Variants in ANKRD11 observed in about 807,000 individuals in gnomAD.
ANKRD11 encodes the protein ankyrin repeat domain-containing protein 11.
In ANKRD11, 17 loss-of-function variants were observed where a neutral mutation model predicts 195.7. The ratio of observed to expected loss-of-function variants is 0.09; its 90% CI spans 0.06 to 0.13. ANKRD11 has a LOEUF of 0.13. Among genes scored for constraint, ANKRD11 ranks in the 10% least tolerant of loss-of-function variants. The pLI, the probability that ANKRD11 is intolerant of heterozygous loss-of-function variation, is 1.00. For synonymous variants in ANKRD11, 1,953 were observed against 1,528.1 expected (o/e 1.28, Z -6.49); for missense variants, 3,735 against 3,566.1 (o/e 1.05, Z -1.21).
At chr16:89,478,655 C>A (rs2057340480) in intron 1 of ANKRD11, among the ~76,000 whole-genome samples, 1 of 152,236 alleles carries the variant, frequency 6.6e-6, no homozygotes, top group South Asian at 2.1e-4. Flanking sequence ...TCCTCTCCTC[C>A]AGCAGCCGGC....
chr16:89,474,498 C>G (rs2057192043), intron 1 of ANKRD11, among the ~76,000 whole-genome samples: 1 of 152,024 alleles, frequency 6.6e-6, no homozygotes, highest in African/African-American at 2.4e-5. Flanking sequence ...GAAATATACC[C>G]CCACACATCA....
chr16:89,274,621 G>C (rs979120393), intron 11 of ANKRD11, 193 bp downstream of exon 11: 41 of 814,158 alleles, frequency 5.0e-5, no homozygotes, highest in Middle Eastern at 3.6e-4. Context: ...GCTGTCTGCT[G>C]TCTGCTGCAG....
At chr16:89,462,172 C>T (rs1484135369) in intron 1 of ANKRD11, among the ~76,000 whole-genome samples, 1 of 152,116 alleles carries the variant, frequency 6.6e-6, no homozygotes, top group East Asian at 1.9e-4. Flanking sequence ...CTCACTGCAA[C>T]CCCCCTGCCT....
chr16:89,269,668 A>T (rs987856233), intron 12 of ANKRD11, among the ~76,000 whole-genome samples: 2 of 151,962 alleles, frequency 1.3e-5, no homozygotes, highest in South Asian at 4.2e-4. Context: ...CAGTGGTGCA[A>T]TCTTGGCTTA....
chr16:89,440,890 G>C (rs886984119), intron 1 of ANKRD11, among the ~76,000 whole-genome samples: 2 of 152,170 alleles, frequency 1.3e-5, no homozygotes, highest in Non-Finnish European at 2.9e-5. Context: ...GGTGTGGCTG[G>C]TGTGTGTCAC....
In ANKRD11 at chr16:89,279,471, C is replaced by A. The variant is rs773110185; in HGVS notation, c.7071G>T (p.Lys2357Asn). ...QSKQGPPPSEKECAPTPAPVT... is the reference protein window; with the variant it reads ...QSKQGPPPSENECAPTPAPVT... ...CCGGGGCAGGGGTGGGGGCGCACTCCTTCTCGGAGGGGGGCGGGCCCTGCT... is the reference window on the plus strand; with the variant it reads ...CCGGGGCAGGGGTGGGGGCGCACTCATTCTCGGAGGGGGGCGGGCCCTGCT... Residue 2357 changes from lysine to asparagine, a missense_variant, in exon 9 of 13, where the codon AAG becomes AAT. By Grantham distance (94) the Lys-to-Asn change is moderately conservative (BLOSUM62 0). Coordinates refer to ENST00000301030, the MANE Select transcript of ANKRD11 (RefSeq NM_013275.6). This position sits in a 1 kb window ranked among gnomAD's most constrained non-coding sequence, Gnocchi z 5.6. 7.8e-6 allele frequency: 11 copies of A among 1,405,386 alleles called. No homozygotes were observed. Among genetic ancestry groups the A allele is most frequent in the East Asian group, 2.5e-5 (1 of 39,972 alleles). The allele number at this position is 1,405,386 out of a possible 1,614,324, so 87.1% of individuals were successfully genotyped here.
chr16:89,459,061 A>G (rs995159704), intron 1 of ANKRD11: 1 of 178,624 alleles, frequency 5.6e-6, no homozygotes, highest in Non-Finnish European at 1.2e-5. Context: ...TGAAATAACC[A>G]TACATGCATT....
At chr16:89,421,987 C>T (rs1319243233) in intron 1 of ANKRD11, among the ~76,000 whole-genome samples, 2 of 152,052 alleles carry the variant, frequency 1.3e-5, no homozygotes, top group African/African-American at 4.8e-5. Flanking sequence ...GTTAGGAAAC[C>T]CAGGAGGTAC....
intron 2 of ANKRD11, among the ~76,000 whole-genome samples, chr16:89,362,001 G>A (rs1404412835): frequency 1.3e-5 from 2 of 152,186 alleles, no homozygotes; most frequent in African/African-American, 4.8e-5. Context: ...CCAGGCAGGA[G>A]GACCCTGAAT....
chr16:89,435,469 G>A (rs574288037), intron 1 of ANKRD11, among the ~76,000 whole-genome samples: 22 of 152,204 alleles, frequency 1.4e-4, no homozygotes, highest in South Asian at 6.2e-4. Context: ...CTACCTTTAT[G>A]AGCTGTAACC....
At chr16:89,443,763 G>T (rs964419832) in intron 1 of ANKRD11, among the ~76,000 whole-genome samples, 1 of 152,222 alleles carries the variant, frequency 6.6e-6, no homozygotes, top group Non-Finnish European at 1.5e-5. Context: ...AATTGAATAG[G>T]GGTGAACAGT....
chr16:89,286,610 G>T (rs1276625769), intron 7 of ANKRD11: 4 of 1,155,836 alleles, frequency 3.5e-6, no homozygotes, highest in Non-Finnish European at 4.4e-6. Flanking sequence ...TTAGGGAGAA[G>T]AGTGTTATGG....
intron 2 of ANKRD11, among the ~76,000 whole-genome samples, chr16:89,349,904 ACACACACAT>A (rs1186146764): frequency 1.1e-3 from 147 of 134,404 alleles, no homozygotes; most frequent in African/African-American, 4.3e-3. Flanking sequence ...ACACACACAC[ACACACACAT>A]ATTCAAACAA....
At position 89,279,952 on chromosome 16, in the gene ANKRD11, G is replaced by A. The variant is rs767358927; in HGVS notation, c.6590C>T (p.Thr2197Ile). 2.5e-6 allele frequency: 4 copies of A among 1,610,332 alleles called. No homozygotes were observed. The highest frequency in any genetic ancestry group is 2.2e-5 in the South Asian group (2 of 91,058). Residue 2197 changes from threonine (T) to isoleucine (I), a missense_variant, in exon 9 of 13, where the codon ACC (threonine) becomes ATC (isoleucine). Physicochemically the swap from Thr to Ile is moderately conservative, Grantham distance 89. Transcript: ENST00000301030. The surrounding 1 kb of genome is among the most constrained non-coding windows in gnomAD (Gnocchi z 5.6). ...AGGCTCGAGCTCTGCAGGGAGCCGG[G>A]TGGAGGCCTGGTCAGGAGGCAGTGC... ...PPALPPDQAS[T>I]RLPAELEPEP...
intron 4 of ANKRD11, among the ~76,000 whole-genome samples, chr16:89,292,373 GTC>G (rs1255020693): frequency 6.6e-6 from 1 of 152,170 alleles, no homozygotes; most frequent in Non-Finnish European, 1.5e-5. Flanking sequence ...GTCTTAACTA[GTC>G]TCTCAGCTCA....
At chr16:89,484,805 G>T (rs936668204) in intron 1 of ANKRD11, among the ~76,000 whole-genome samples, 1 of 152,132 alleles carries the variant, frequency 6.6e-6, no homozygotes, top group African/African-American at 2.4e-5. Flanking sequence ...AAAATGGTTT[G>T]TTGAGAAAAA....
chr16:89,337,059 A>C (rs1019778212), intron 2 of ANKRD11, among the ~76,000 whole-genome samples: 8 of 147,744 alleles, frequency 5.4e-5, no homozygotes, highest in Non-Finnish European at 1.0e-4. Context: ...GGTGGTGCAC[A>C]CCTGCAGTCC....
intron 2 of ANKRD11, among the ~76,000 whole-genome samples, chr16:89,326,368 C>T (rs958924591): frequency 3.3e-5 from 5 of 151,866 alleles, no homozygotes; most frequent in East Asian, 1.9e-4. Context: ...CAGAAGGGGA[C>T]GCAGCCACCG....
At chr16:89,480,223 T>C (rs2152370841) in intron 1 of ANKRD11, among the ~76,000 whole-genome samples, 1 of 152,194 alleles carries the variant, frequency 6.6e-6, no homozygotes, top group Non-Finnish European at 1.5e-5. Flanking sequence ...ACGCCTGTAA[T>C]CCCAGCACTT....
Sources: gnomAD v4.1 joint callset for allele counts (sites outside exome capture counted in the v4.1 genomes callset) on GRCh38, gnomAD v4.1.1 for gene constraint, Gnocchi (gnomAD v3.1) non-coding constraint, MANE v1.5 for transcripts, NCBI Gene and HGNC (gene_info 2026-07-23, HGNC 2026-07-21) for gene names.